PATJ: variants seen among roughly 807,000 people sequenced by gnomAD.
The protein encoded by PATJ is PATJ crumbs cell polarity complex component.
In PATJ, 190 loss-of-function variants were observed where a neutral mutation model predicts 224.9. The observed-to-expected ratio is 0.84, with a 90% CI of 0.75 to 0.95. The LOEUF (loss-of-function observed/expected upper bound fraction) is 0.95, where lower values mean the gene tolerates loss of function less well. Among genes scored for constraint, PATJ ranks in the 40% least tolerant of loss-of-function variants. PATJ has a pLI of 0.00. For missense variants in PATJ, 2,121 were observed against 2,270.3 expected, an observed-to-expected ratio of 0.93 and a Z score of 1.34; for synonymous variants, 769 against 820.3, an observed-to-expected ratio of 0.94 and a Z score of 1.07.
intron 33 of PATJ, among the ~76,000 whole-genome samples, chr1:62,092,820 C>G (rs1214590231): frequency 2.0e-5 from 3 of 151,932 alleles, no homozygotes; most frequent in Non-Finnish European, 4.4e-5. Flanking sequence ...TGGCTCACTA[C>G]GGCCTCCGCC....
chr1:61,935,699 G>A (rs981963426), intron 27 of PATJ, among the ~76,000 whole-genome samples: 2 of 152,198 alleles, frequency 1.3e-5, no homozygotes, highest in Middle Eastern at 3.4e-3. Context: ...GCTGGGGCAG[G>A]AGGATCAGTT....
chr1:62,116,748 C>T, intron 36 of PATJ, 69 bp downstream of exon 36: 1 of 1,447,278 alleles, frequency 6.9e-7, no homozygotes, highest in South Asian at 1.4e-5. Flanking sequence ...TCCAGTCTAG[C>T]TTGATTATAA....
At chr1:61,780,500 T>C (rs1349756474) in intron 7 of PATJ, among the ~76,000 whole-genome samples, 1 of 152,118 alleles carries the variant, frequency 6.6e-6, no homozygotes, top group Non-Finnish European at 1.5e-5. Context: ...CACACATCTG[T>C]GGCACAACAC....
chr1:61,749,469 A>G (rs1438316465), intron 1 of PATJ, among the ~76,000 whole-genome samples: 4 of 152,166 alleles, frequency 2.6e-5, no homozygotes, highest in African/African-American at 9.7e-5. Context: ...TGGCTATTGA[A>G]TCAACTGGCA....
intron 21 of PATJ, among the ~76,000 whole-genome samples, chr1:61,876,513 T>G (rs1346967357): frequency 2.0e-5 from 3 of 152,072 alleles, no homozygotes; most frequent in Admixed American, 2.0e-4. Context: ...GTAGCAAACT[T>G]AGCACGATTT....
intron 24 of PATJ, among the ~76,000 whole-genome samples, chr1:61,906,860 T>A (rs1671932030): frequency 6.6e-6 from 1 of 152,204 alleles, no homozygotes; most frequent in Non-Finnish European, 1.5e-5. Flanking sequence ...TTCTCCTAGC[T>A]GGTTCAGTCT....
intron 21 of PATJ, among the ~76,000 whole-genome samples, chr1:61,881,859 A>G (rs1265278638): frequency 1.1e-4 from 17 of 152,240 alleles, no homozygotes; most frequent in Admixed American, 9.2e-4. Flanking sequence ...TATCAAAGAT[A>G]CACTTGTTCC....
rs145088499 is a variant in PATJ, at chr1:61,854,773, A to G, written c.2113-1257A>G. On this transcript the variant is annotated intron_variant, in intron 17 of 43. Transcript: ENST00000642238. Reference sequence around the variant, plus strand: ...GCCCAACATATAGTAAGTGCTATATATCAGTTGGTTAAATAAATTAAAAAA... The same window carrying G: ...GCCCAACATATAGTAAGTGCTATATGTCAGTTGGTTAAATAAATTAAAAAA... Among the ~76,000 whole-genome samples, 298 of 152,380 alleles carry G rather than the reference A, an allele frequency of 2.0e-3. 4 individuals are homozygous for G. In the East Asian group the frequency reaches 0.048, roughly 24 times the overall value.
rs144118907 is a variant in PATJ, at chr1:61,915,436, T to C, written c.3570+772T>C. ...AATCTTTTTTCCTGATAGAGCACTT[T>C]CTTTTATATGTTTCTTCTTCTTAGA... On this transcript the variant is annotated intron_variant, in intron 26 of 43. Coordinates refer to ENST00000642238, the MANE Select transcript of PATJ (RefSeq NM_001350145.3). Among the ~76,000 whole-genome samples the C allele has an allele frequency of 2.5e-3, 386 of 152,322 alleles. 1 individual carries two copies. The highest frequency in any genetic ancestry group is 9.0e-3 in the African/African-American group (373 of 41,584).
chr1:62,125,264 C>CAAAAA (rs1284483252), intron 39 of PATJ, among the ~76,000 whole-genome samples: 1 of 64,198 alleles, frequency 1.6e-5, no homozygotes, highest in Non-Finnish European at 3.2e-5. Flanking sequence ...CAAAAAAAAA[C>CAAAAA]AAAAAAAAAA....
At chr1:61,767,674 TTTTC>T (rs1378554949) in intron 4 of PATJ, among the ~76,000 whole-genome samples, 4 of 138,542 alleles carry the variant, frequency 2.9e-5, no homozygotes, top group African/African-American at 1.0e-4. Context: ...TTTCCTTTTC[TTTTC>T]TTTTTTTTTT....
chr1:61,959,431 TTTC>T (rs1557945120), intron 27 of PATJ, among the ~76,000 whole-genome samples: 1 of 39,232 alleles, frequency 2.5e-5, no homozygotes, highest in African/African-American at 5.5e-5. Context: ...ATATATTTTT[TTTC>T]TTTTCTTTTT....
At chr1:62,001,395 G>T (rs1466146955) in intron 28 of PATJ, among the ~76,000 whole-genome samples, 1 of 147,538 alleles carries the variant, frequency 6.8e-6, no homozygotes, top group Non-Finnish European at 1.5e-5. Flanking sequence ...TTCAGTTTCA[G>T]CTTTCTACAT....
At chr1:61,788,919 C>A (rs1308046035) in intron 8 of PATJ, among the ~76,000 whole-genome samples, 2 of 152,072 alleles carry the variant, frequency 1.3e-5, no homozygotes, top group African/African-American at 4.8e-5. Context: ...GGTGATCCGC[C>A]CACCTCAGTC....
intron 27 of PATJ, among the ~76,000 whole-genome samples, chr1:61,958,789 T>C (rs1680800696): frequency 6.6e-6 from 1 of 152,222 alleles, no homozygotes; most frequent in Admixed American, 6.5e-5. Flanking sequence ...TGTCAAGTCA[T>C]TGACTTTCTC....
intron 27 of PATJ, among the ~76,000 whole-genome samples, chr1:61,971,474 C>A (rs1250207830): frequency 6.6e-6 from 1 of 151,656 alleles, no homozygotes; most frequent in Non-Finnish European, 1.5e-5. Flanking sequence ...ATTAGCCAGG[C>A]ATGGTGGTGC....
intron 4 of PATJ, among the ~76,000 whole-genome samples, chr1:61,767,173 T>C (rs1314451085): frequency 1.3e-5 from 2 of 152,150 alleles, no homozygotes; most frequent in Non-Finnish European, 2.9e-5. Context: ...CTATTAAAAA[T>C]TAAATAATAA....
chr1:61,893,629 C>G (rs1304295571), intron 22 of PATJ, among the ~76,000 whole-genome samples: 1 of 151,158 alleles, frequency 6.6e-6, no homozygotes, highest in Non-Finnish European at 1.5e-5. Flanking sequence ...AATGAGACCC[C>G]GTATCTACAA....
chr1:61,961,792 A>G (rs1419969607), intron 27 of PATJ, among the ~76,000 whole-genome samples: 1 of 152,022 alleles, frequency 6.6e-6, no homozygotes, highest in Non-Finnish European at 1.5e-5. Flanking sequence ...AACATGGCGA[A>G]ACCCCGTCTC....
Sources: gnomAD v4.1 joint callset for allele counts (sites outside exome capture counted in the v4.1 genomes callset) on GRCh38, gnomAD v4.1.1 for gene constraint, MANE v1.5 for transcripts, NCBI Gene and HGNC (gene_info 2026-07-23, HGNC 2026-07-21) for gene names.